Variants in GRIP2 observed in about 807,000 individuals in gnomAD.
GRIP2 encodes the protein glutamate receptor-interacting protein 2.
In GRIP2, 58 loss-of-function variants were observed where a neutral mutation model predicts 108.3. The observed-to-expected ratio is 0.54, with a 90% CI of 0.43 to 0.67. GRIP2 has a LOEUF of 0.67. Ranked by LOEUF, GRIP2 falls within the 30% of genes least tolerant of loss-of-function variation. The pLI is 0.00. For missense variants in GRIP2, 1,278 were observed against 1,430.6 expected (o/e 0.89, Z 1.72); for synonymous variants, 586 against 598.2 (o/e 0.98, Z 0.30).
the GRIP2 span, among the ~76,000 whole-genome samples, chr3:14,575,359 C>T: frequency 6.6e-6 from 1 of 152,212 alleles, no homozygotes. Context: ...GTTCTGGGGC[C>T]ACACTGGGGT....
At chr3:14,495,106 G>T in intron 22 of GRIP2, 117 bp from the exon 23 acceptor site, 1 of 1,335,558 alleles carries the variant, frequency 7.5e-7, no homozygotes, top group Non-Finnish European at 1.0e-6. Flanking sequence ...CACCCCCCAG[G>T]CTGCAGCACC....
chr3:14,519,803 G>T (rs1694354121), intron 9 of GRIP2, among the ~76,000 whole-genome samples: 1 of 152,206 alleles, frequency 6.6e-6, no homozygotes, highest in Admixed American at 6.5e-5. Flanking sequence ...GCTCTGAGTA[G>T]CAGAGAGCAC....
At chr3:14,577,633 T>C in the GRIP2 span, among the ~76,000 whole-genome samples, 1 of 152,154 alleles carries the variant, frequency 6.6e-6, no homozygotes, top group Non-Finnish European at 1.5e-5. Flanking sequence ...CAAAATAAGA[T>C]AAAAGGTCAC....
In GRIP2 at chr3:14,520,421, C is replaced by A; in HGVS notation, c.829G>T (p.Asp277Tyr). ...SLRNKSVITI[D>Y]RIKPASVVDR... ...ACCACGCTGGCTGGCTTGATGCGGT[C>A]GATGGTAATGACTGACTTGTTCCGG... is the stretch of plus-strand genomic sequence containing the variant. Residue 277 changes from aspartate (D) to tyrosine (Y), a missense_variant, in exon 8 of 24, where the codon GAC becomes TAC. Asp to Tyr is a radical substitution (Grantham distance 160). Transcript: ENST00000621039. The A allele has an allele frequency of 1.2e-6, 2 of 1,613,110 alleles. No homozygotes were observed. Among genetic ancestry groups the A allele is most frequent in the South Asian group, 1.1e-5 (1 of 90,832 alleles).
At chr3:14,569,098 T>C in the GRIP2 span, among the ~76,000 whole-genome samples, 2 of 152,170 alleles carry the variant, frequency 1.3e-5, no homozygotes, top group African/African-American at 2.4e-5. Context: ...AGTGCCAGCC[T>C]TCCCCACTCT....
intron 7 of GRIP2, chr3:14,520,964 T>C (rs56739139): frequency 0.095 from 19,195 of 202,516 alleles, 1,632 homozygotes; most frequent in African/African-American, 0.24. Context: ...CACCCATGTC[T>C]AAATCTCAGC....
At chr3:14,520,881 A>G (rs1694388930) in intron 7 of GRIP2, 1 of 264,878 alleles carries the variant, frequency 3.8e-6, no homozygotes, top group East Asian at 8.5e-5. Context: ...ATCTCAGGAA[A>G]TGGCACCTCC....
the GRIP2 span, among the ~76,000 whole-genome samples, chr3:14,601,427 C>A: frequency 6.6e-6 from 1 of 152,168 alleles, no homozygotes; most frequent in African/African-American, 2.4e-5. Flanking sequence ...CCGCCCCCCT[C>A]CTTATTGGCA....
the GRIP2 span, among the ~76,000 whole-genome samples, chr3:14,570,223 C>T: frequency 6.6e-6 from 1 of 152,224 alleles, no homozygotes; most frequent in Non-Finnish European, 1.5e-5. Context: ...TCATCTCCTT[C>T]CTGCCAGCAT....
In GRIP2 at chr3:14,512,804, T is replaced by G. The variant is rs1192119235; in HGVS notation, c.1693A>C (p.Ser565Arg). ...TFHVKLPKKR[S>R]VELGITISSA... ...CTGATGGTGATGCCCAGCTCCACGC[T>G]GCGCTTCTTGGGCAGCTTCACGTGG... is the stretch of plus-strand genomic sequence containing the variant. Residue 565 changes from serine (S) to arginine (R), a missense_variant, in exon 14 of 24, where the codon AGC becomes CGC. Transcript: ENST00000621039. This position sits in a 1 kb window ranked among gnomAD's most constrained non-coding sequence, Gnocchi z 5.1. 2 of 1,613,556 alleles carry G rather than the reference T, an allele frequency of 1.2e-6. No homozygotes were observed. Among genetic ancestry groups the G allele is most frequent in the East Asian group, 4.5e-5 (2 of 44,890 alleles).
At chr3:14,525,357 A>C (rs983371458) in intron 3 of GRIP2, 80 bp downstream of exon 3, 11 of 1,531,166 alleles carry the variant, frequency 7.2e-6, no homozygotes, top group Non-Finnish European at 9.7e-6. Flanking sequence ...TAAGACCTTC[A>C]GTACATTTTC....
intron 1 of GRIP2, among the ~76,000 whole-genome samples, chr3:14,528,362 G>C (rs1694619079): frequency 3.3e-5 from 5 of 152,208 alleles, no homozygotes. Flanking sequence ...TTTGCATACA[G>C]GTTTTCGTTT....
At chr3:14,595,692 G>C in the GRIP2 span, among the ~76,000 whole-genome samples, 1 of 152,340 alleles carries the variant, frequency 6.6e-6, no homozygotes, top group South Asian at 2.1e-4. Flanking sequence ...GAGCAAGTGG[G>C]ATGGAGATGC....
chr3:14,570,244 T>C, the GRIP2 span, among the ~76,000 whole-genome samples: 16 of 152,236 alleles, frequency 1.1e-4, no homozygotes, highest in Admixed American at 1.0e-3. Flanking sequence ...CACAGAGCTA[T>C]TCCTCTTTGG....
chr3:14,494,744 G>T, intron 23 of GRIP2, 99 bp downstream of exon 23: 1 of 1,413,362 alleles, frequency 7.1e-7, no homozygotes, highest in Non-Finnish European at 9.4e-7. Context: ...GACTTGCATT[G>T]TCCTGCCCTC....
chr3:14,597,543 T>C, the GRIP2 span, among the ~76,000 whole-genome samples: 4 of 152,156 alleles, frequency 2.6e-5, no homozygotes, highest in Non-Finnish European at 5.9e-5. Context: ...CCTGAGGCTT[T>C]TTTTATGTGT....
In GRIP2 at chr3:14,496,422, G is replaced by C. The variant is rs1367953453; in HGVS notation, c.2818C>G (p.His940Asp). 11 of 1,609,934 alleles carry C rather than the reference G, an allele frequency of 6.8e-6. No homozygotes were observed. The highest frequency in any genetic ancestry group is 5.1e-6 in the Non-Finnish European group (6 of 1,177,758). ...ELLLPTPLEMHKVTLHKDPMR... is the reference protein window; with the variant it reads ...ELLLPTPLEMDKVTLHKDPMR... ...TGCTCACCCCCTGTGCCTACCTTGTGCATCTCCAAGGGTGTAGGCAGCAAC... is the reference window on the plus strand; with the variant it reads ...TGCTCACCCCCTGTGCCTACCTTGTCCATCTCCAAGGGTGTAGGCAGCAAC... Residue 940 changes from histidine (H) to aspartate (D), a missense_variant, in exon 22 of 24, where the codon CAC becomes GAC. Physicochemically the swap from His to Asp is moderately conservative, Grantham distance 81. Coordinates refer to ENST00000621039, the MANE Select transcript of GRIP2 (RefSeq NM_001080423.4).
At chr3:14,528,618 G>A (rs1378883245) in intron 1 of GRIP2, among the ~76,000 whole-genome samples, 1 of 152,120 alleles carries the variant, frequency 6.6e-6, no homozygotes, top group Non-Finnish European at 1.5e-5. Context: ...CACTTTGGGA[G>A]GCCAGGGTAG....
At chr3:14,552,322 T>G (rs972840150) in intron 1 of GRIP2, among the ~76,000 whole-genome samples, 2 of 152,102 alleles carry the variant, frequency 1.3e-5, no homozygotes, top group African/African-American at 4.8e-5. Context: ...ATCACAGACA[T>G]GCACCACGGA....
Sources: allele counts gnomAD v4.1 joint callset (sites outside exome capture counted in the v4.1 genomes callset), GRCh38; gene constraint gnomAD v4.1.1; non-coding constraint Gnocchi (gnomAD v3.1); transcripts MANE v1.5; gene names NCBI Gene and HGNC (gene_info 2026-07-23, HGNC 2026-07-21).